The following LRRN3 variants were observed in gnomAD, a reference collection of about 807,000 sequenced individuals.
LRRN3 encodes leucine rich repeat neuronal 3.
LRRN3 carries 15 observed loss-of-function variants against 40.1 expected under a neutral mutation model. That is an observed-to-expected ratio of 0.37 (90% confidence interval 0.25 to 0.58). The LOEUF (loss-of-function observed/expected upper bound fraction) is 0.58, where lower values mean the gene tolerates loss of function less well. LRRN3 is among the 20% of genes least tolerant of loss of function. The probability of loss-of-function intolerance (pLI) is 0.72; values close to 1 mark genes in which losing one functional copy is unlikely to be tolerated. For synonymous variants in LRRN3, 308 were observed against 297.2 expected (o/e 1.04, Z -0.37); for missense variants, 746 against 837.7 (o/e 0.89, Z 1.35).
Position 111,124,518 on chromosome 7 carries a change from T to C in LRRN3, c.1746T>C (p.His582=), listed in dbSNP as rs1485941399. ...PSDVKVYNLT[H]LNPSTEYKIC... ...ATGTCAAGGTATATAATCTTACTCA[T>C]CTGAATCCATCAACTGAGTATAAAA... The change falls in exon 3 of 3, where the codon CAT becomes CAC. Residue 582 remains histidine, a synonymous_variant. Coordinates refer to ENST00000308478, the MANE Select transcript of LRRN3 (RefSeq NM_001099658.2). 3.7e-6 allele frequency: 6 copies of C among 1,613,398 alleles called. No individual in the cohort carries two copies. The African/African-American group carries it at 8.0e-5, about 22-fold the overall frequency.
intron 2 of LRRN3, among the ~76,000 whole-genome samples, chr7:111,103,962 C>G (rs1316216140): frequency 6.6e-6 from 1 of 151,372 alleles, no homozygotes; most frequent in Non-Finnish European, 1.5e-5. Flanking sequence ...TTTGTATTGG[C>G]AATTCAAGAA....
chr7:111,096,838 A>G (rs988380783), intron 1 of LRRN3, among the ~76,000 whole-genome samples: 6 of 151,960 alleles, frequency 3.9e-5, no homozygotes, highest in African/African-American at 1.4e-4. Context: ...TAAAAATACT[A>G]GTTAATTTGA....
intron 2 of LRRN3, among the ~76,000 whole-genome samples, chr7:111,101,852 A>G (rs1401552694): frequency 6.6e-6 from 1 of 151,480 alleles, no homozygotes; most frequent in Non-Finnish European, 1.5e-5. Context: ...CTAAAAAGGT[A>G]TACCATCCAC....
chr7:111,096,997 A>G (rs1236317664), intron 1 of LRRN3: 1 of 151,918 alleles, frequency 6.6e-6, no homozygotes, highest in African/African-American at 2.4e-5. Flanking sequence ...AAAATCTTCT[A>G]AAGTTTGTCA....
rs1800776881 is a variant in LRRN3 at position 111,122,546 on chromosome 7, A to G, written c.-227A>G. ...CCTTCAAAAAGTACATCAATATTATATCATTAAGGAAATAGTAACCTTCTC... is the reference window on the plus strand; with the variant it reads ...CCTTCAAAAAGTACATCAATATTATGTCATTAAGGAAATAGTAACCTTCTC... On this transcript the variant is annotated 5_prime_UTR_variant, in exon 3 of 3. The change creates a new upstream start codon in the 5' untranslated region. Coordinates refer to ENST00000308478, the MANE Select transcript of LRRN3 (RefSeq NM_001099658.2). 3.8e-6 allele frequency: 2 copies of G among 521,444 alleles called. No homozygotes were observed. The highest frequency in any genetic ancestry group is 6.2e-5 in the East Asian group (2 of 32,326). The allele number at this position is 521,444 out of a possible 1,614,324, so 32.3% of individuals were successfully genotyped here. A position where few individuals can be genotyped will look rare whatever the true frequency, so the allele number is the denominator to read the frequency against.
intron 2 of LRRN3, among the ~76,000 whole-genome samples, chr7:111,116,187 T>C (rs1799858093): frequency 6.6e-6 from 1 of 152,196 alleles, no homozygotes; most frequent in Admixed American, 6.5e-5. Context: ...AAAGGACTCA[T>C]CTGAGCCCTA....
intron 2 of LRRN3, among the ~76,000 whole-genome samples, chr7:111,100,995 T>A (rs569710356): frequency 6.6e-6 from 1 of 151,612 alleles, no homozygotes; most frequent in East Asian, 1.9e-4. Flanking sequence ...AAGTTTAAAA[T>A]TCCCCCATAA....
intron 1 of LRRN3, among the ~76,000 whole-genome samples, chr7:111,096,740 C>G (rs1403040276): frequency 2.6e-5 from 4 of 151,808 alleles, no homozygotes; most frequent in Non-Finnish European, 4.4e-5. Context: ...TTAAGAACCC[C>G]CAATGGATCA....
intron 1 of LRRN3, among the ~76,000 whole-genome samples, chr7:111,093,085 T>C (rs887100125): frequency 2.0e-5 from 3 of 152,160 alleles, no homozygotes; most frequent in African/African-American, 7.2e-5. Flanking sequence ...ATATAAGAAG[T>C]CAATTAATTC....
At chr7:111,098,025 A>C (rs1203181370) in intron 1 of LRRN3, among the ~76,000 whole-genome samples, 1 of 151,886 alleles carries the variant, frequency 6.6e-6, no homozygotes, top group East Asian at 1.9e-4. Flanking sequence ...AGTGCAACAG[A>C]ACAGAATGGA....
intron 2 of LRRN3, among the ~76,000 whole-genome samples, chr7:111,113,853 A>G (rs1799528500): frequency 6.6e-6 from 1 of 152,166 alleles, no homozygotes; most frequent in South Asian, 2.1e-4. Context: ...ATACTACCAC[A>G]CTAACTTCTC....
intron 2 of LRRN3, among the ~76,000 whole-genome samples, chr7:111,111,299 TAAA>T (rs751990466): frequency 1.1e-5 from 1 of 92,242 alleles, no homozygotes; most frequent in Admixed American, 1.3e-4. Context: ...GTAGCAGTTG[TAAA>T]AAAAAAAAAA....
At chr7:111,096,545 T>A (rs1030822219) in intron 1 of LRRN3, among the ~76,000 whole-genome samples, 1 of 150,664 alleles carries the variant, frequency 6.6e-6, no homozygotes, top group Non-Finnish European at 1.5e-5. Context: ...ACAACCAACA[T>A]CTATTCTTGG....
intron 2 of LRRN3, among the ~76,000 whole-genome samples, chr7:111,109,501 A>G (rs1798940405): frequency 6.6e-6 from 1 of 152,206 alleles, no homozygotes; most frequent in African/African-American, 2.4e-5. Context: ...GGGGGCAATC[A>G]AGTACATATA....
intron 2 of LRRN3, among the ~76,000 whole-genome samples, chr7:111,115,752 C>A (rs1202567011): frequency 6.6e-6 from 1 of 152,118 alleles, no homozygotes; most frequent in Non-Finnish European, 1.5e-5. Context: ...ACTGCAGCCA[C>A]CGCCTCCCAG....
intron 2 of LRRN3, among the ~76,000 whole-genome samples, chr7:111,112,172 T>C (rs1243031547): frequency 1.3e-5 from 2 of 151,950 alleles, no homozygotes; most frequent in African/African-American, 4.8e-5. Context: ...TTCGCCATGT[T>C]GGCTGGTCTT....
At chr7:111,101,989 A>G (rs775460876) in intron 2 of LRRN3, among the ~76,000 whole-genome samples, 9 of 151,464 alleles carry the variant, frequency 5.9e-5, no homozygotes, top group South Asian at 2.1e-4. Flanking sequence ...TTCATACACT[A>G]TATCTCACTC....
intron 2 of LRRN3, among the ~76,000 whole-genome samples, chr7:111,112,915 T>A (rs1234125492): frequency 6.6e-6 from 1 of 152,224 alleles, no homozygotes; most frequent in East Asian, 1.9e-4. Flanking sequence ...AAAAAATTCT[T>A]TCAAACTGAA....
intron 2 of LRRN3, among the ~76,000 whole-genome samples, chr7:111,105,039 A>G (rs973535132): frequency 9.9e-5 from 15 of 151,890 alleles, no homozygotes; most frequent in Non-Finnish European, 1.9e-4. Context: ...GCATGACCAT[A>G]GAATTCCAGA....
Sources: gnomAD v4.1 joint callset for allele counts (sites outside exome capture counted in the v4.1 genomes callset) on GRCh38, gnomAD v4.1.1 for gene constraint, MANE v1.5 for transcripts, NCBI Gene and HGNC (gene_info 2026-07-23, HGNC 2026-07-21) for gene names.